SMCHD1: variants seen among roughly 807,000 people sequenced by gnomAD.
SMCHD1 encodes the protein structural maintenance of chromosomes flexible hinge domain-containing protein 1.
In SMCHD1, 78 loss-of-function variants were observed where a neutral mutation model predicts 254.7. That is an observed-to-expected ratio of 0.31 (90% CI 0.26 to 0.37). The LOEUF is 0.37. Ranked by LOEUF, SMCHD1 falls within the 10% of genes least tolerant of loss-of-function variation. The pLI is 1.00. For synonymous variants in SMCHD1, 766 were observed against 794.9 expected, an observed-to-expected ratio of 0.96 and a Z score of 0.61; for missense variants, 1,840 against 2,408.1, an observed-to-expected ratio of 0.76 and a Z score of 4.94.
At chr18:2,784,854 G>C (rs2076213232) in intron 45 of SMCHD1, 2 of 533,416 alleles carry the variant, frequency 3.7e-6, no homozygotes, top group Non-Finnish European at 7.1e-6. Flanking sequence ...GTGCATGCCT[G>C]TGTTCCCAGC....
intron 34 of SMCHD1, among the ~76,000 whole-genome samples, chr18:2,755,723 A>G (rs1235549959): frequency 6.6e-6 from 1 of 151,380 alleles, no homozygotes; most frequent in African/African-American, 2.4e-5. Flanking sequence ...ACCTGCCACC[A>G]CGCCCAGCTA....
chr18:2,703,918 T>A lies in SMCHD1; in HGVS notation c.1842+32T>A, dbSNP rs761548666. On this transcript the variant is annotated intron_variant, in intron 13 of 47. Coordinates refer to ENST00000320876, the MANE Select transcript of SMCHD1 (RefSeq NM_015295.3). ...TTAACTTATTGTCACTTTTTTCTTA[T>A]AATTTTTAATTTAATTTAAAACACA... 1.6e-5 allele frequency: 23 copies of A among 1,454,822 alleles called. No individual in the cohort carries two copies. In the South Asian group the frequency reaches 2.2e-4, roughly 14 times the overall value. The allele number at this position is 1,454,822 out of a possible 1,614,324, so 90.1% of individuals were successfully genotyped here. A position where few individuals can be genotyped will look rare whatever the true frequency, so the allele number is the denominator to read the frequency against.
In SMCHD1 at chr18:2,803,373, A is replaced by T. The variant is rs954475042; in HGVS notation, c.*821A>T. 3.2e-4 allele frequency: 48 copies of T among 151,824 alleles called. No homozygotes were observed. The highest frequency in any genetic ancestry group is 1.1e-3 in the African/African-American group (47 of 41,424). 9.4% of individuals were successfully genotyped at this position (151,824 alleles called of 1,614,324 possible). On this transcript the variant is annotated 3_prime_UTR_variant, in exon 48 of 48. Transcript: ENST00000320876. ...ATTTTTAAGGGGTTAAAGAGAACAT[A>T]CATTCTCACATTAGTGTACTTTCTG...
At chr18:2,667,767 A>G (rs2073478583) in intron 3 of SMCHD1, among the ~76,000 whole-genome samples, 1 of 152,146 alleles carries the variant, frequency 6.6e-6, no homozygotes, top group African/African-American at 2.4e-5. Context: ...TATATGGTGC[A>G]TACTTCTTTA....
intron 7 of SMCHD1, among the ~76,000 whole-genome samples, chr18:2,689,207 C>T (rs1046600116): frequency 6.8e-6 from 1 of 146,900 alleles, no homozygotes; most frequent in Admixed American, 7.1e-5. Context: ...TTGTTTGAAA[C>T]ATGATTTTTT....
intron 1 of SMCHD1, among the ~76,000 whole-genome samples, chr18:2,658,945 TAC>T (rs76700562): frequency 2.0e-5 from 3 of 151,134 alleles, no homozygotes; most frequent in South Asian, 2.1e-4. Context: ...CACATATATA[TAC>T]ACACACATAT....
intron 36 of SMCHD1, among the ~76,000 whole-genome samples, 179 bp from the exon 37 acceptor site, chr18:2,763,458 G>A (rs951295050): frequency 6.6e-6 from 1 of 152,122 alleles, no homozygotes; most frequent in Non-Finnish European, 1.5e-5. Flanking sequence ...ATGGTTTCTG[G>A]AACTATTTCT....
intron 34 of SMCHD1, among the ~76,000 whole-genome samples, chr18:2,754,951 A>AT (rs2075645809): frequency 6.6e-6 from 1 of 151,750 alleles, no homozygotes; most frequent in African/African-American, 2.4e-5. Context: ...CTCCTAAAAC[A>AT]TTTTTATTTT....
intron 10 of SMCHD1, among the ~76,000 whole-genome samples, chr18:2,699,054 A>G (rs769695373): frequency 6.6e-6 from 1 of 152,206 alleles, no homozygotes; most frequent in Non-Finnish European, 1.5e-5. Context: ...GGTTAACAAT[A>G]TTAAACTTTT....
At chr18:2,760,578 A>G (rs1598413975) in intron 34 of SMCHD1, 74 bp from the exon 35 acceptor site, 1 of 834,418 alleles carries the variant, frequency 1.2e-6, no homozygotes, top group East Asian at 2.5e-5. Flanking sequence ...GAAAGAACAG[A>G]AATGTTGACT....
rs560752787 is a variant in SMCHD1 at position 2,681,732 on chromosome 18, A to G, written c.639-6662A>G. 2.6e-5 allele frequency among the ~76,000 whole-genome samples: 4 copies of G among 152,226 alleles called. No individual in the cohort carries two copies. The South Asian group carries it at 8.3e-4, about 32-fold the overall frequency. ...AATAGTATGTGTATAATTATTTTGT[A>G]GGGGAGAGGTATGACATTAGTTAGG... On this transcript the variant is annotated intron_variant, in intron 5 of 47. Coordinates refer to ENST00000320876, the MANE Select transcript of SMCHD1 (RefSeq NM_015295.3).
intron 1 of SMCHD1, among the ~76,000 whole-genome samples, chr18:2,659,274 C>T (rs902190068): frequency 1.3e-5 from 2 of 152,146 alleles, no homozygotes; most frequent in African/African-American, 2.4e-5. Flanking sequence ...CCTGCCACCA[C>T]GCCTGGCTAA....
chr18:2,656,279 G>T lies in SMCHD1; in HGVS notation c.186+18G>T, dbSNP rs760697604. ...TGTGTCAGGTACGCGAAGGGGCGAG[G>T]AAGGGATGCGCGTGTAGACTTGGGG... On this transcript the variant is annotated intron_variant, in intron 1 of 47. Transcript: ENST00000320876. 1.6e-5 allele frequency: 24 copies of T among 1,471,922 alleles called. No individual in the cohort carries two copies. The highest frequency in any genetic ancestry group is 2.1e-5 in the Non-Finnish European group (24 of 1,121,726). 91.2% of individuals were successfully genotyped at this position (1,471,922 alleles called of 1,614,324 possible).
At position 2,796,486 on chromosome 18, in the gene SMCHD1, T is replaced by A. The variant is rs886042374; in HGVS notation, c.5958T>A (p.Pro1986=). 6.2e-7 allele frequency: 1 copy of A among 1,603,580 alleles called. No homozygotes were observed. The highest frequency in any genetic ancestry group is 1.3e-5 in the African/African-American group (1 of 74,912). Residue 1986 remains proline, a synonymous_variant, in exon 47 of 48, where the codon CCT becomes CCA. Coordinates refer to ENST00000320876, the MANE Select transcript of SMCHD1 (RefSeq NM_015295.3). The part of the protein sequence containing the change: ...KVETTDCPVP[P]KRMRREATRQ... Reference sequence around the variant, plus strand: ...AGACGACAGATTGTCCAGTTCCTCCTAAAAGAATGAGACGAGAAGCTACAA... The same window carrying A: ...AGACGACAGATTGTCCAGTTCCTCCAAAAAGAATGAGACGAGAAGCTACAA...
intron 7 of SMCHD1, chr18:2,691,527 A>G (rs2074179477): frequency 6.6e-6 from 1 of 152,236 alleles, no homozygotes; most frequent in Admixed American, 6.5e-5. Flanking sequence ...GTTATTTGCT[A>G]CTTATGTCAA....
intron 19 of SMCHD1, among the ~76,000 whole-genome samples, chr18:2,721,950 C>T (rs560547090): frequency 2.0e-5 from 3 of 152,134 alleles, no homozygotes; most frequent in Non-Finnish European, 4.4e-5. Flanking sequence ...CTAGAATTTG[C>T]ATTTCTAATA....
At chr18:2,755,551 C>A (rs1472687985) in intron 34 of SMCHD1, among the ~76,000 whole-genome samples, 2 of 124,200 alleles carry the variant, frequency 1.6e-5, no homozygotes, top group Non-Finnish European at 3.5e-5. Context: ...TGTGTATTTT[C>A]TTTTTCTTTC....
chr18:2,751,241 C>A, intron 32 of SMCHD1, 37 bp from the exon 33 acceptor site: 1 of 1,177,380 alleles, frequency 8.5e-7, no homozygotes, highest in Non-Finnish European at 1.2e-6. Flanking sequence ...ATTAATTGAA[C>A]TAGAAAGAGA....
intron 3 of SMCHD1, among the ~76,000 whole-genome samples, chr18:2,672,649 TAGTGACCTTGAAG>T (rs1427260236): frequency 6.6e-6 from 1 of 152,342 alleles, no homozygotes; most frequent in Admixed American, 6.5e-5. Context: ...ATAGTGTGAA[TAGTGACCTTGAAG>T]AAAGGAGAAT....
Sources: allele counts gnomAD v4.1 joint callset (sites outside exome capture counted in the v4.1 genomes callset), GRCh38; gene constraint gnomAD v4.1.1; transcripts MANE v1.5; gene names NCBI Gene and HGNC (gene_info 2026-07-23, HGNC 2026-07-21).